The following CSMD1 variants were observed in gnomAD, a reference collection of about 807,000 sequenced individuals.
CSMD1 encodes the protein CUB and Sushi multiple domains 1.
A neutral mutation model predicts 417.5 loss-of-function variants in CSMD1; 213 were observed. That is an observed-to-expected ratio of 0.51 (90% CI 0.46 to 0.57). The LOEUF is 0.57. Among genes scored for constraint, CSMD1 ranks in the 20% least tolerant of loss-of-function variants. The probability of loss-of-function intolerance (pLI) is 0.00; values close to 1 mark genes in which losing one functional copy is unlikely to be tolerated. For synonymous variants in CSMD1, 2,862 were observed against 1,736.8 expected, an observed-to-expected ratio of 1.65 and a Z score of -16.11; for missense variants, 6,923 against 4,529.7, an observed-to-expected ratio of 1.53 and a Z score of -15.17.
At chr8:3,953,587 A>G (rs757541053) in intron 5 of CSMD1, among the ~76,000 whole-genome samples, 1 of 152,060 alleles carries the variant, frequency 6.6e-6, no homozygotes, top group Non-Finnish European at 1.5e-5. Context: ...GAGCTATTAA[A>G]GTGGGTCACT....
intron 39 of CSMD1, among the ~76,000 whole-genome samples, chr8:3,155,468 C>A (rs901399521): frequency 1.4e-5 from 2 of 147,476 alleles, no homozygotes; most frequent in Admixed American, 1.4e-4. Flanking sequence ...CCCAGGTTCA[C>A]GCCATTCTCC....
chr8:3,269,774 G>C (rs1009582044), intron 26 of CSMD1, among the ~76,000 whole-genome samples: 19 of 152,254 alleles, frequency 1.2e-4, no homozygotes, highest in African/African-American at 4.3e-4. Flanking sequence ...GTGTCAGGCT[G>C]ATTACAATTA....
In CSMD1 at chr8:3,367,081, A is replaced by C; in HGVS notation, c.3066T>G (p.Phe1022Leu). The C allele has an allele frequency of 6.2e-7, 1 of 1,613,892 alleles. No individual in the cohort carries two copies. Among genetic ancestry groups the C allele is most frequent in the Non-Finnish European group, 8.5e-7 (1 of 1,179,848 alleles). The change falls in exon 20 of 70, where the codon TTT becomes TTG. Residue 1022 changes from phenylalanine (F) to leucine (L), a missense_variant. Physicochemically the swap from Phe to Leu is conservative, Grantham distance 22. Transcript: ENST00000635120. Reference protein sequence around the residue: ...LFGNFTAQLRFISDFSISYEG... With the variant: ...LFGNFTAQLRLISDFSISYEG... The stretch of plus-strand genomic sequence containing the variant: ...CGTACGAAATTGAGAAGTCTGATAT[A>C]AACCGAAGCTGGGCAGTGAAGTTTC...
At chr8:4,307,121 C>G (rs932140604) in intron 3 of CSMD1, among the ~76,000 whole-genome samples, 1 of 152,146 alleles carries the variant, frequency 6.6e-6, no homozygotes, top group Non-Finnish European at 1.5e-5. Flanking sequence ...CCGGCTGCCT[C>G]CTTGTCTCTG....
intron 2 of CSMD1, among the ~76,000 whole-genome samples, chr8:4,515,234 G>T (rs962198889): frequency 1.3e-5 from 2 of 152,124 alleles, no homozygotes; most frequent in Admixed American, 6.6e-5. Flanking sequence ...TTACGCGTTA[G>T]GTGCTCTGCT....
At chr8:3,373,372 A>G (rs1281005829) in intron 18 of CSMD1, 1 of 152,228 alleles carries the variant, frequency 6.6e-6, no homozygotes, top group Non-Finnish European at 1.5e-5. Flanking sequence ...AAAGTTAGAG[A>G]TAAAGCTGCT....
intron 3 of CSMD1, among the ~76,000 whole-genome samples, chr8:4,386,860 A>G (rs1803488190): frequency 6.6e-6 from 1 of 152,252 alleles, no homozygotes; most frequent in African/African-American, 2.4e-5. Flanking sequence ...CAAATGTTGA[A>G]TCCCTCGTGG....
intron 3 of CSMD1, among the ~76,000 whole-genome samples, chr8:4,162,245 C>T (rs984124135): frequency 2.6e-5 from 4 of 152,300 alleles, no homozygotes; most frequent in Non-Finnish European, 4.4e-5. Flanking sequence ...ATCTAAGAAA[C>T]ATTCTGCAAT....
intron 1 of CSMD1, among the ~76,000 whole-genome samples, chr8:4,823,647 T>A (rs1016330116): frequency 1.3e-5 from 2 of 152,014 alleles, no homozygotes; most frequent in African/African-American, 4.8e-5. Flanking sequence ...TTAGAAAGAA[T>A]AGCAATAATC....
At chr8:4,510,389 C>CAAAAAAAAAAAAAAAAA (rs1563243981) in intron 2 of CSMD1, among the ~76,000 whole-genome samples, 3 of 10,960 alleles carry the variant, frequency 2.7e-4, no homozygotes, top group African/African-American at 1.2e-3. Flanking sequence ...AGCATAATGC[C>CAAAAAAAAAAAAAAAAA]TAAAAAAAAA....
chr8:3,617,825 C>A (rs908670013), intron 7 of CSMD1, among the ~76,000 whole-genome samples: 1 of 152,012 alleles, frequency 6.6e-6, no homozygotes, highest in East Asian at 1.9e-4. Context: ...TAGCGTAAAT[C>A]CAATGAATAG....
chr8:2,987,233 G>T (rs1294058046), intron 54 of CSMD1, among the ~76,000 whole-genome samples: 1 of 151,912 alleles, frequency 6.6e-6, no homozygotes, highest in Non-Finnish European at 1.5e-5. Flanking sequence ...TTTAATTAAA[G>T]AGGCATTAAT....
At chr8:4,867,048 A>G (rs1327319334) in intron 1 of CSMD1, among the ~76,000 whole-genome samples, 1 of 152,042 alleles carries the variant, frequency 6.6e-6, no homozygotes, top group Non-Finnish European at 1.5e-5. Context: ...TTTTTGCTCA[A>G]ATTAAGCCAT....
chr8:3,409,501 C>G lies in CSMD1; in HGVS notation c.1666G>C (p.Ala556Pro). ...GDTLTFECPA[A>P]FELVGERVIT... ...ACTCTCTCCCCCACCAGCTCAAAGG[C>G]CGCCGGGCATTCAAAGGTGAGTGTA... is the stretch of plus-strand genomic sequence containing the variant. The change falls in exon 13 of 70, where the codon GCC becomes CCC. Residue 556 changes from alanine (A) to proline (P), a missense_variant. Ala to Pro is a conservative substitution (Grantham distance 27, BLOSUM62 -1). Coordinates refer to ENST00000635120, the MANE Select transcript of CSMD1 (RefSeq NM_033225.6). The G allele has an allele frequency of 1.9e-6, 3 of 1,611,344 alleles. No homozygotes were observed. The highest frequency in any genetic ancestry group is 2.5e-6 in the Non-Finnish European group (3 of 1,178,860).
intron 1 of CSMD1, among the ~76,000 whole-genome samples, chr8:4,777,174 C>A (rs1585082022): frequency 1.3e-5 from 2 of 152,244 alleles, no homozygotes; most frequent in Middle Eastern, 6.8e-3. Flanking sequence ...ATTTCAACTT[C>A]CTGTTTTACC....
chr8:3,801,149 A>G (rs1800434638), intron 5 of CSMD1, among the ~76,000 whole-genome samples: 1 of 152,152 alleles, frequency 6.6e-6, no homozygotes, highest in South Asian at 2.1e-4. Flanking sequence ...TTTCTGCTGC[A>G]AAGGATACCA....
At chr8:4,892,036 G>A (rs1487080020) in intron 1 of CSMD1, among the ~76,000 whole-genome samples, 3 of 152,100 alleles carry the variant, frequency 2.0e-5, no homozygotes, top group Non-Finnish European at 4.4e-5. Context: ...ACCACCAGAT[G>A]TAGAAATAAA....
At chr8:4,202,475 G>A (rs1323554335) in intron 3 of CSMD1, among the ~76,000 whole-genome samples, 1 of 152,136 alleles carries the variant, frequency 6.6e-6, no homozygotes, top group Non-Finnish European at 1.5e-5. Context: ...TTTTAACTAA[G>A]TTTTAAACTA....
At chr8:3,350,911 A>G (rs926301253) in intron 21 of CSMD1, among the ~76,000 whole-genome samples, 1 of 152,230 alleles carries the variant, frequency 6.6e-6, no homozygotes, top group African/African-American at 2.4e-5. Context: ...CTCACTATGC[A>G]AGAATAATAA....
Sources: gnomAD v4.1 joint callset for allele counts (sites outside exome capture counted in the v4.1 genomes callset) on GRCh38, gnomAD v4.1.1 for gene constraint, MANE v1.5 for transcripts, NCBI Gene and HGNC (gene_info 2026-07-23, HGNC 2026-07-21) for gene names.